The following ZMIZ1 variants were observed in gnomAD, a reference collection of about 807,000 sequenced individuals.
ZMIZ1 encodes zinc finger MIZ-type containing 1.
ZMIZ1 carries 17 observed loss-of-function variants against 113.9 expected under a neutral mutation model. That is an observed-to-expected ratio of 0.15 (90% confidence interval 0.10 to 0.22). ZMIZ1 has a LOEUF of 0.22. ZMIZ1 is among the 10% of genes least tolerant of loss of function. The pLI, the probability that ZMIZ1 is intolerant of heterozygous loss-of-function variation, is 1.00. For synonymous variants in ZMIZ1, 607 were observed against 603.1 expected, an observed-to-expected ratio of 1.01 and a Z score of -0.09; for missense variants, 1,059 against 1,477.8, an observed-to-expected ratio of 0.72 and a Z score of 4.65.
At chr10:79,160,695 C>T (rs1846079537) in intron 3 of ZMIZ1, among the ~76,000 whole-genome samples, 1 of 152,350 alleles carries the variant, frequency 6.6e-6, no homozygotes, top group African/African-American at 2.4e-5. Context: ...CACCATTTCT[C>T]CCTGGGAGCC....
chr10:79,235,293 G>A (rs1849543752), intron 7 of ZMIZ1, among the ~76,000 whole-genome samples: 2 of 152,198 alleles, frequency 1.3e-5, no homozygotes, highest in African/African-American at 4.8e-5. Flanking sequence ...ACGGGGTGGT[G>A]AAAGGAAGGC....
chr10:79,248,806 C>T (rs1470596134), intron 7 of ZMIZ1, among the ~76,000 whole-genome samples: 1 of 152,136 alleles, frequency 6.6e-6, no homozygotes, highest in Non-Finnish European at 1.5e-5. Context: ...CTAGCCAGGC[C>T]CAGGAGGCTT....
chr10:79,155,521 G>A (rs73300108), intron 3 of ZMIZ1, among the ~76,000 whole-genome samples: 6,235 of 152,324 alleles, frequency 0.041, 186 homozygotes, highest in East Asian at 0.14. Flanking sequence ...GACTAGGTTG[G>A]CAGGGGCCGG....
At chr10:79,243,040 G>C (rs1179142834) in intron 7 of ZMIZ1, among the ~76,000 whole-genome samples, 1 of 151,262 alleles carries the variant, frequency 6.6e-6, no homozygotes, top group African/African-American at 2.4e-5. Flanking sequence ...GGGCGCGCGC[G>C]AGCCGGGGCT....
At chr10:79,210,217 C>T (rs1481483360) in intron 6 of ZMIZ1, among the ~76,000 whole-genome samples, 1 of 152,078 alleles carries the variant, frequency 6.6e-6, no homozygotes, top group African/African-American at 2.4e-5. Flanking sequence ...CCACAGTCTC[C>T]AGCACATTGC....
At chr10:79,124,227 T>C (rs897408169) in intron 2 of ZMIZ1, among the ~76,000 whole-genome samples, 2 of 152,148 alleles carry the variant, frequency 1.3e-5, no homozygotes, top group African/African-American at 4.8e-5. Context: ...TGAGCAGCTG[T>C]TTATTGGTCT....
intron 7 of ZMIZ1, among the ~76,000 whole-genome samples, chr10:79,250,059 G>T (rs574610473): frequency 3.9e-5 from 6 of 152,340 alleles, no homozygotes; most frequent in African/African-American, 1.4e-4. Context: ...GCTAAAAGGC[G>T]CTTAGGTTGG....
At chr10:79,111,206 C>T (rs941685589) in intron 1 of ZMIZ1, among the ~76,000 whole-genome samples, 1 of 152,126 alleles carries the variant, frequency 6.6e-6, no homozygotes, top group Non-Finnish European at 1.5e-5. Context: ...ACTGAAGAAA[C>T]GAGGCCCTGG....
intron 7 of ZMIZ1, among the ~76,000 whole-genome samples, chr10:79,275,060 G>A (rs983182685): frequency 1.3e-5 from 2 of 152,262 alleles, no homozygotes; most frequent in African/African-American, 2.4e-5. Flanking sequence ...CGTGCTTGGC[G>A]TGCAAATGAG....
chr10:79,255,788 C>A (rs988088849), intron 7 of ZMIZ1, among the ~76,000 whole-genome samples: 1 of 152,124 alleles, frequency 6.6e-6, no homozygotes, highest in Admixed American at 6.5e-5. Context: ...TGCACTTTTT[C>A]GATTTAACAA....
Position 79,097,507 on chromosome 10 carries a change from T to G in ZMIZ1, c.-336-21408T>G, listed in dbSNP as rs557999546. Among the ~76,000 whole-genome samples, 3 of 152,298 alleles carry G rather than the reference T, an allele frequency of 2.0e-5. No homozygotes were observed. The East Asian group carries it at 5.8e-4, about 29-fold the overall frequency. On this transcript the variant is annotated intron_variant, in intron 1 of 24. Transcript: ENST00000334512. ...TACTTTGGGCCTTGCTCAAAACTAG[T>G]AGCAAGCTGCCTGGAATGCAATGTG...
intron 4 of ZMIZ1, among the ~76,000 whole-genome samples, chr10:79,197,153 C>T (rs1301714468): frequency 6.6e-6 from 1 of 152,244 alleles, no homozygotes; most frequent in African/African-American, 2.4e-5. Context: ...TCTTCTGTCT[C>T]CTCCAGCTAG....
At chr10:79,191,575 C>T (rs1264823767) in intron 4 of ZMIZ1, among the ~76,000 whole-genome samples, 1 of 152,188 alleles carries the variant, frequency 6.6e-6, no homozygotes, top group Non-Finnish European at 1.5e-5. Flanking sequence ...CTGGGCCCAG[C>T]ACTGGACGGG....
At chr10:79,284,139 T>A (rs997022201) in intron 8 of ZMIZ1, among the ~76,000 whole-genome samples, 2 of 152,350 alleles carry the variant, frequency 1.3e-5, no homozygotes, top group Non-Finnish European at 2.9e-5. Context: ...GAGCCAGGAA[T>A]CATCACTGCC....
intron 1 of ZMIZ1, among the ~76,000 whole-genome samples, chr10:79,093,647 A>G (rs1020816216): frequency 3.9e-5 from 6 of 152,092 alleles, no homozygotes; most frequent in African/African-American, 1.2e-4. Context: ...TTTTACACAC[A>G]TGCGTACGTG....
intron 1 of ZMIZ1, among the ~76,000 whole-genome samples, chr10:79,075,914 C>T (rs1842458785): frequency 6.6e-6 from 1 of 152,216 alleles, no homozygotes; most frequent in African/African-American, 2.4e-5. Flanking sequence ...ACCCCATTCT[C>T]ACTTCCCAAT....
intron 1 of ZMIZ1, among the ~76,000 whole-genome samples, chr10:79,078,461 C>T (rs192152401): frequency 1.3e-3 from 203 of 151,978 alleles, no homozygotes; most frequent in Middle Eastern, 6.8e-3. Flanking sequence ...AGCAGAGCAC[C>T]CCCACCCCCA....
chr10:79,266,341 G>A (rs1196959256), intron 7 of ZMIZ1, among the ~76,000 whole-genome samples: 2 of 152,182 alleles, frequency 1.3e-5, no homozygotes, highest in Non-Finnish European at 2.9e-5. Flanking sequence ...CAGTGGGCGG[G>A]GCCGTTGTCC....
At chr10:79,162,229 C>A in intron 4 of ZMIZ1, 96 bp downstream of exon 4, 1 of 397,972 alleles carries the variant, frequency 2.5e-6, no homozygotes, top group Non-Finnish European at 4.4e-6. Context: ...GGACCTTTGA[C>A]TCGGGCCTCA....
Sources: allele counts gnomAD v4.1 joint callset (sites outside exome capture counted in the v4.1 genomes callset), GRCh38; gene constraint gnomAD v4.1.1; transcripts MANE v1.5; gene names NCBI Gene and HGNC (gene_info 2026-07-23, HGNC 2026-07-21).